DPP10: variants seen among roughly 807,000 people sequenced by gnomAD.
DPP10 encodes the protein dipeptidyl peptidase like 10, also known as inactive dipeptidyl peptidase 10.
DPP10 carries 33 observed loss-of-function variants against 120.9 expected under a neutral mutation model. The observed-to-expected ratio is 0.27, with a 90% CI of 0.21 to 0.37. The LOEUF (loss-of-function observed/expected upper bound fraction) is 0.37. DPP10 is among the 10% of genes least tolerant of loss of function. The pLI is 1.00. For synonymous variants in DPP10, 337 were observed against 326.1 expected (o/e 1.03, Z -0.36); for missense variants, 816 against 942.8 (o/e 0.87, Z 1.76).
intron 1 of DPP10, among the ~76,000 whole-genome samples, chr2:115,305,638 A>G (rs916785919): frequency 7.2e-5 from 11 of 151,974 alleles, no homozygotes; most frequent in Admixed American, 7.2e-4. Flanking sequence ...CTCAGAAGGC[A>G]TAGGCAGGAA....
intron 1 of DPP10, among the ~76,000 whole-genome samples, chr2:115,137,750 G>A (rs978247309): frequency 5.3e-5 from 8 of 152,186 alleles, no homozygotes; most frequent in African/African-American, 9.7e-5. Context: ...GCCTATCAAC[G>A]GACAGAAGGC....
chr2:115,599,810 A>G lies in DPP10; in HGVS notation c.441+73838A>G, dbSNP rs531725559. On this transcript the variant is annotated intron_variant, in intron 5 of 25. Coordinates refer to ENST00000410059, the MANE Select transcript of DPP10 (RefSeq NM_020868.6). ...TTGAAGGTGTTTATTTTGGCAGGCA[A>G]TTTACTTACTGTCACACATATAGTG... Among the ~76,000 whole-genome samples the G allele has an allele frequency of 1.2e-3, 187 of 152,216 alleles. 1 individual carries two copies. The highest frequency in any genetic ancestry group is 6.8e-3 in the Middle Eastern group (2 of 294).
chr2:114,846,468 C>T (rs1308960610), intron 1 of DPP10, among the ~76,000 whole-genome samples: 5 of 152,098 alleles, frequency 3.3e-5, no homozygotes, highest in Non-Finnish European at 5.9e-5. Flanking sequence ...GAATAATTTG[C>T]AGAAAACTTA....
chr2:114,732,070 AG>A (rs1676972197), intron 1 of DPP10, among the ~76,000 whole-genome samples: 1 of 152,222 alleles, frequency 6.6e-6, no homozygotes, highest in East Asian at 1.9e-4. Context: ...ACTGGGTCAA[AG>A]GTGACTAAGC....
At chr2:115,161,451 T>A (rs6719380) in intron 1 of DPP10, 6 of 151,412 alleles carry the variant, frequency 4.0e-5, no homozygotes, top group Admixed American at 3.3e-4. Context: ...GCGCGCGGGT[T>A]GGGGGCTCTC....
intron 1 of DPP10, among the ~76,000 whole-genome samples, chr2:114,904,909 G>T (rs1381456441): frequency 6.6e-6 from 1 of 152,136 alleles, no homozygotes; most frequent in Admixed American, 6.5e-5. Flanking sequence ...CAGGTTCTTA[G>T]GGATGAGGTT....
chr2:114,694,961 CAGA>C (rs1273567900), intron 1 of DPP10, among the ~76,000 whole-genome samples: 2 of 151,928 alleles, frequency 1.3e-5, no homozygotes, highest in Non-Finnish European at 2.9e-5. Flanking sequence ...GAAATATTTG[CAGA>C]AGGAGTAAAA....
At chr2:115,043,985 A>G in intron 1 of DPP10, among the ~76,000 whole-genome samples, 1 of 152,188 alleles carries the variant, frequency 6.6e-6, no homozygotes, top group East Asian at 1.9e-4. Context: ...TGTAATCATC[A>G]CATCAGGGTA....
chr2:115,297,735 C>G (rs2060950819), intron 1 of DPP10, among the ~76,000 whole-genome samples: 2 of 152,016 alleles, frequency 1.3e-5, no homozygotes, highest in Admixed American at 1.3e-4. Context: ...TTGCCTAGAA[C>G]TTTAGGCAGA....
intron 7 of DPP10, among the ~76,000 whole-genome samples, chr2:115,699,694 A>G (rs2091798486): frequency 6.6e-6 from 1 of 152,240 alleles, no homozygotes; most frequent in Non-Finnish European, 1.5e-5. Context: ...ATTATCTGCC[A>G]GCATTATCCT....
At chr2:115,093,274 A>T (rs1264484645) in intron 1 of DPP10, among the ~76,000 whole-genome samples, 28 of 152,160 alleles carry the variant, frequency 1.8e-4, no homozygotes, top group Admixed American at 1.8e-3. Context: ...GAATTCAGTC[A>T]TATAGTCACA....
chr2:115,257,775 A>G (rs2059070174), intron 1 of DPP10, among the ~76,000 whole-genome samples: 1 of 152,202 alleles, frequency 6.6e-6, no homozygotes, highest in Non-Finnish European at 1.5e-5. Context: ...ACATTAGTCC[A>G]TTCATATAAC....
chr2:114,971,812 T>C (rs992408032), intron 1 of DPP10, among the ~76,000 whole-genome samples: 3 of 152,212 alleles, frequency 2.0e-5, no homozygotes, highest in African/African-American at 7.2e-5. Context: ...TAAAAATAAT[T>C]GTTTTTCCAT....
chr2:115,292,322 T>A (rs567108193), intron 1 of DPP10, among the ~76,000 whole-genome samples: 2 of 152,242 alleles, frequency 1.3e-5, no homozygotes, highest in Non-Finnish European at 2.9e-5. Flanking sequence ...CTAAACTCTT[T>A]TGATTTTATT....
At chr2:115,466,557 A>G (rs2105124884) in intron 3 of DPP10, among the ~76,000 whole-genome samples, 1 of 152,318 alleles carries the variant, frequency 6.6e-6, no homozygotes, top group East Asian at 1.9e-4. Flanking sequence ...AATTTAGTCC[A>G]CATATAATGC....
intron 1 of DPP10, among the ~76,000 whole-genome samples, chr2:114,859,938 A>T (rs181498471): frequency 2.6e-5 from 4 of 152,306 alleles, no homozygotes; most frequent in Admixed American, 2.6e-4. Flanking sequence ...GTAGATTCTT[A>T]CTCAGCAGAC....
At chr2:115,837,028 A>G (rs1029601733) in intron 24 of DPP10, among the ~76,000 whole-genome samples, 2 of 152,242 alleles carry the variant, frequency 1.3e-5, no homozygotes, top group African/African-American at 2.4e-5. Flanking sequence ...ACTTGTGGCC[A>G]TACCTTGTTT....
At chr2:115,005,675 T>C (rs572143963) in intron 1 of DPP10, among the ~76,000 whole-genome samples, 2 of 151,818 alleles carry the variant, frequency 1.3e-5, no homozygotes, top group Non-Finnish European at 2.9e-5. Context: ...GAAAAAAGAA[T>C]AAAAAGAAAT....
intron 1 of DPP10, among the ~76,000 whole-genome samples, chr2:115,108,597 C>T (rs2049062142): frequency 6.6e-6 from 1 of 152,204 alleles, no homozygotes; most frequent in Middle Eastern, 3.4e-3. Flanking sequence ...AATTTAAAAC[C>T]TGTGTGGGGA....
Sources: gnomAD v4.1 joint callset for allele counts (sites outside exome capture counted in the v4.1 genomes callset) on GRCh38, gnomAD v4.1.1 for gene constraint, MANE v1.5 for transcripts, NCBI Gene and HGNC (gene_info 2026-07-23, HGNC 2026-07-21) for gene names.